DENND1B: variants seen among roughly 807,000 people sequenced by gnomAD.
DENND1B encodes the protein DENN domain containing 1B.
DENND1B carries 59 observed loss-of-function variants against 90.1 expected under a neutral mutation model. The ratio of observed to expected loss-of-function variants is 0.65; its 90% CI spans 0.53 to 0.81. The LOEUF (loss-of-function observed/expected upper bound fraction) is 0.81, where lower values mean the gene tolerates loss of function less well. DENND1B is among the 40% of genes least tolerant of loss of function. The pLI is 0.00. For missense variants in DENND1B, 862 were observed against 912.6 expected (o/e 0.94, Z 0.71); for synonymous variants, 337 against 324.6 (o/e 1.04, Z -0.41).
At position 197,775,180 on chromosome 1, in the gene DENND1B, C is replaced by G. The variant is rs1374199477; in HGVS notation, c.-25G>C. ...TGGTTACATGTCGGTGTGGGGCTGT[C>G]CGTCCGGCCCCCGCGCGCTGGCCTG... On this transcript the variant is annotated 5_prime_UTR_variant, in exon 1 of 23. Coordinates refer to ENST00000620048, the MANE Select transcript of DENND1B (RefSeq NM_001195215.2). The G allele has an allele frequency of 9.4e-6, 12 of 1,274,484 alleles. No homozygotes were observed. The highest frequency in any genetic ancestry group is 3.3e-5 in the East Asian group (1 of 30,478). The allele number at this position is 1,274,484 out of a possible 1,614,324, so 78.9% of individuals were successfully genotyped here. A position where few individuals can be genotyped will look rare whatever the true frequency, so the allele number is the denominator to read the frequency against.
chr1:197,678,422 G>A (rs370060904), intron 3 of DENND1B, among the ~76,000 whole-genome samples: 7 of 151,830 alleles, frequency 4.6e-5, no homozygotes, highest in African/African-American at 7.3e-5. Flanking sequence ...CATTTTAATC[G>A]AATTTTTCAC....
chr1:197,715,755 TTTTC>T (rs1486550460), intron 2 of DENND1B, among the ~76,000 whole-genome samples: 3 of 151,878 alleles, frequency 2.0e-5, no homozygotes, highest in Non-Finnish European at 2.9e-5. Context: ...CAGTTTTTCA[TTTTC>T]TTTGTTTCTC....
chr1:197,644,160 T>C (rs894352519), intron 9 of DENND1B, among the ~76,000 whole-genome samples: 1 of 152,188 alleles, frequency 6.6e-6, no homozygotes, highest in Non-Finnish European at 1.5e-5. Context: ...CATATAAAAA[T>C]TCAAGTTATT....
At chr1:197,555,699 A>T (rs1215734060) in intron 15 of DENND1B, among the ~76,000 whole-genome samples, 2 of 152,074 alleles carry the variant, frequency 1.3e-5, no homozygotes. Flanking sequence ...AAAAAGTCAA[A>T]AAGTAACAGA....
chr1:197,770,658 A>G (rs1055703885), intron 2 of DENND1B, among the ~76,000 whole-genome samples: 1 of 144,148 alleles, frequency 6.9e-6, no homozygotes. Context: ...ATATATATCT[A>G]TAAATATATA....
chr1:197,510,408 T>C lies in DENND1B; in HGVS notation c.*52A>G. The C allele has an allele frequency of 6.6e-7, 1 of 1,520,650 alleles. No individual in the cohort carries two copies. Among genetic ancestry groups the C allele is most frequent in the South Asian group, 1.3e-5 (1 of 75,650 alleles). The allele number at this position is 1,520,650 out of a possible 1,614,324, so 94.2% of individuals were successfully genotyped here. A position where few individuals can be genotyped will look rare whatever the true frequency, so the allele number is the denominator to read the frequency against. ...TTCCTACAAATAATTCTGTTTATTA[T>C]ACAGATTGCATTGAATCTCAAAATG... On this transcript the variant is annotated 3_prime_UTR_variant, in exon 23 of 23. Coordinates refer to ENST00000620048, the MANE Select transcript of DENND1B (RefSeq NM_001195215.2).
At chr1:197,770,224 CATT>C (rs1474859698) in intron 2 of DENND1B, among the ~76,000 whole-genome samples, 1 of 152,112 alleles carries the variant, frequency 6.6e-6, no homozygotes, top group East Asian at 1.9e-4. Context: ...AAGAAGCCAA[CATT>C]ATTTACTTTA....
At chr1:197,601,056 T>G (rs1001643315) in intron 13 of DENND1B, among the ~76,000 whole-genome samples, 2 of 151,726 alleles carry the variant, frequency 1.3e-5, no homozygotes, top group Non-Finnish European at 2.9e-5. Flanking sequence ...TAAATTAGGA[T>G]ACCACTGTAA....
intron 2 of DENND1B, among the ~76,000 whole-genome samples, chr1:197,723,678 G>A (rs1661389618): frequency 6.6e-6 from 1 of 152,104 alleles, no homozygotes; most frequent in Non-Finnish European, 1.5e-5. Context: ...AGTCAGCTAA[G>A]ATCTTAAAGT....
At chr1:197,754,638 C>A (rs1466587836) in intron 2 of DENND1B, among the ~76,000 whole-genome samples, 1 of 108,090 alleles carries the variant, frequency 9.3e-6, no homozygotes, top group African/African-American at 3.7e-5. Flanking sequence ...CTAGCCTGGG[C>A]AACAATGCGA....
intron 2 of DENND1B, among the ~76,000 whole-genome samples, chr1:197,728,217 CT>C (rs1439361218): frequency 1.3e-5 from 2 of 152,128 alleles, no homozygotes; most frequent in Non-Finnish European, 2.9e-5. Flanking sequence ...CCAGGTGATT[CT>C]TATGTGCTGT....
chr1:197,536,337 T>C (rs1669905476), intron 20 of DENND1B, among the ~76,000 whole-genome samples: 1 of 152,212 alleles, frequency 6.6e-6, no homozygotes, highest in African/African-American at 2.4e-5. Flanking sequence ...TGGCTTGATA[T>C]TATTTTATTT....
At chr1:197,688,907 G>C (rs1483774597) in intron 3 of DENND1B, 1 of 215,110 alleles carries the variant, frequency 4.6e-6, no homozygotes, top group Non-Finnish European at 9.9e-6. Context: ...TGCTGAGATG[G>C]GAAAGGGGTC....
At chr1:197,626,263 T>C (rs964564329) in intron 10 of DENND1B, among the ~76,000 whole-genome samples, 1 of 152,022 alleles carries the variant, frequency 6.6e-6, no homozygotes, top group African/African-American at 2.4e-5. Context: ...ATTGACCACA[T>C]AGTTGGAAGT....
At chr1:197,765,562 A>G (rs542159270) in intron 2 of DENND1B, among the ~76,000 whole-genome samples, 1 of 152,354 alleles carries the variant, frequency 6.6e-6, no homozygotes, top group South Asian at 2.1e-4. Context: ...ATGAGAGAAT[A>G]TTATCAAAAG....
chr1:197,648,759 T>C (rs1652767847), intron 7 of DENND1B, among the ~76,000 whole-genome samples: 1 of 152,182 alleles, frequency 6.6e-6, no homozygotes, highest in South Asian at 2.1e-4. Context: ...CCTTAACTGC[T>C]CTTTCCCCCA....
At chr1:197,648,192 T>G (rs1680904797) in intron 7 of DENND1B, among the ~76,000 whole-genome samples, 1 of 152,178 alleles carries the variant, frequency 6.6e-6, no homozygotes, top group Non-Finnish European at 1.5e-5. Flanking sequence ...AACACCTGAA[T>G]AGCTCTTCAC....
At chr1:197,624,496 A>T (rs574895501) in intron 10 of DENND1B, among the ~76,000 whole-genome samples, 153 of 151,860 alleles carry the variant, frequency 1.0e-3, no homozygotes, top group Non-Finnish European at 1.7e-3. Context: ...GAAAATCTAC[A>T]TGAACTAGGG....
intron 1 of DENND1B, among the ~76,000 whole-genome samples, chr1:197,774,023 T>G (rs1363138026): frequency 6.6e-6 from 1 of 152,220 alleles, no homozygotes; most frequent in Middle Eastern, 3.2e-3. Context: ...TGACAAGACA[T>G]ATAAATTAAC....
Sources: allele counts gnomAD v4.1 joint callset (sites outside exome capture counted in the v4.1 genomes callset), GRCh38; gene constraint gnomAD v4.1.1; transcripts MANE v1.5; gene names NCBI Gene and HGNC (gene_info 2026-07-23, HGNC 2026-07-21).